The following PHF14 variants were observed in gnomAD, a reference collection of about 807,000 sequenced individuals.
PHF14 encodes PHD finger protein 14.
A neutral mutation model predicts 117.9 loss-of-function variants in PHF14; 55 were observed. The ratio of observed to expected loss-of-function variants is 0.47; its 90% CI spans 0.38 to 0.58. PHF14 has a LOEUF of 0.58. Ranked by LOEUF, PHF14 falls within the 20% of genes least tolerant of loss-of-function variation. The probability of loss-of-function intolerance (pLI) is 0.00; values close to 1 mark genes in which losing one functional copy is unlikely to be tolerated. For missense variants in PHF14, 978 were observed against 1,122.2 expected (o/e 0.87, Z 1.84); for synonymous variants, 409 against 368.6 (o/e 1.11, Z -1.26).
chr7:11,040,122 CT>C (rs1022992882), intron 11 of PHF14, among the ~76,000 whole-genome samples: 1 of 151,290 alleles, frequency 6.6e-6, no homozygotes, highest in African/African-American at 2.4e-5. Context: ...TTGCATGACA[CT>C]TTTTTTTTCA....
At chr7:11,001,608 T>TTTTGGTAGATTTATATCTAAG (rs145893746) in intron 4 of PHF14, among the ~76,000 whole-genome samples, 1 of 151,808 alleles carries the variant, frequency 6.6e-6, no homozygotes, top group African/African-American at 2.4e-5. Context: ...CTTGGCAATA[T>TTTTGGTAGATTTATATCTAAG]TATTTTATTT....
intron 2 of PHF14, among the ~76,000 whole-genome samples, chr7:10,977,399 C>T (rs1476384580): frequency 6.6e-6 from 1 of 152,106 alleles, no homozygotes; most frequent in South Asian, 2.1e-4. Flanking sequence ...TCAATTTCTT[C>T]TTACCTTCAT....
chr7:11,126,605 T>G (rs1214791846), intron 17 of PHF14, among the ~76,000 whole-genome samples: 1 of 152,062 alleles, frequency 6.6e-6, no homozygotes, highest in Non-Finnish European at 1.5e-5. Context: ...TCCTGTCTAC[T>G]CCTTCCTTTC....
chr7:10,990,974 G>C, intron 4 of PHF14, 127 bp downstream of exon 4: 3 of 615,810 alleles, frequency 4.9e-6, no homozygotes, highest in Non-Finnish European at 8.0e-6. Flanking sequence ...TCAAAGTATG[G>C]ATGCTATTTT....
chr7:11,132,212 T>C (rs1451418517), intron 17 of PHF14, among the ~76,000 whole-genome samples: 1 of 151,778 alleles, frequency 6.6e-6, no homozygotes, highest in Non-Finnish European at 1.5e-5. Context: ...TTTTTCATCT[T>C]ATATATCTGC....
chr7:10,983,175 T>A lies in PHF14; in HGVS notation c.900+16T>A, dbSNP rs929488377. 1 of 1,572,522 alleles carries A rather than the reference T, an allele frequency of 6.4e-7. No individual in the cohort carries two copies. Among genetic ancestry groups the A allele is most frequent in the Non-Finnish European group, 8.6e-7 (1 of 1,166,030 alleles). On this transcript the variant is annotated intron_variant, in intron 3 of 17. Coordinates refer to ENST00000634607, the MANE Select transcript of PHF14 (RefSeq NM_001007157.2). ...GAGTAATGAGGTAGATCAACCCAATTTTTATATCTGTCTGTCTGGGGAAAA... is the reference window on the plus strand; with the variant it reads ...GAGTAATGAGGTAGATCAACCCAATATTTATATCTGTCTGTCTGGGGAAAA...
chr7:11,073,817 G>A (rs192753795), intron 16 of PHF14, among the ~76,000 whole-genome samples: 1 of 152,126 alleles, frequency 6.6e-6, no homozygotes, highest in South Asian at 2.1e-4. Context: ...TTTCACTCTC[G>A]CATTCTGTGC....
At chr7:11,039,832 C>T (rs2128323324) in intron 11 of PHF14, among the ~76,000 whole-genome samples, 1 of 152,122 alleles carries the variant, frequency 6.6e-6, no homozygotes, top group South Asian at 2.1e-4. Context: ...GAGGATCAGC[C>T]TTTGTTCCTG....
chr7:11,022,780 T>C (rs1783779880), intron 5 of PHF14, 88 bp from the exon 6 acceptor site: 3 of 609,022 alleles, frequency 4.9e-6, no homozygotes, highest in Non-Finnish European at 8.3e-6. Flanking sequence ...TGGTAGTATT[T>C]TGAGATGGCA....
chr7:11,162,281 G>T (rs930867691), intron 17 of PHF14, among the ~76,000 whole-genome samples: 2 of 151,580 alleles, frequency 1.3e-5, no homozygotes, highest in Non-Finnish European at 2.9e-5. Context: ...GTGGAGACGG[G>T]GTTTCTCCTT....
At chr7:11,074,401 A>G (rs1055268509) in intron 16 of PHF14, among the ~76,000 whole-genome samples, 5 of 151,770 alleles carry the variant, frequency 3.3e-5, no homozygotes, top group Non-Finnish European at 5.9e-5. Flanking sequence ...TAGTAGAGGC[A>G]GGGTTTCGCC....
At chr7:11,132,584 AT>A (rs1302140025) in intron 17 of PHF14, among the ~76,000 whole-genome samples, 7 of 151,778 alleles carry the variant, frequency 4.6e-5, no homozygotes, top group African/African-American at 1.7e-4. Context: ...TGAGGTGGTG[AT>A]TTCATTTCCT....
At chr7:11,003,292 C>T (rs1250802615) in intron 4 of PHF14, among the ~76,000 whole-genome samples, 3 of 152,152 alleles carry the variant, frequency 2.0e-5, no homozygotes, top group Admixed American at 2.0e-4. Flanking sequence ...TCTGAGATCC[C>T]ATACCCTGAC....
intron 17 of PHF14, among the ~76,000 whole-genome samples, chr7:11,122,433 A>C (rs1787803127): frequency 8.0e-6 from 1 of 125,332 alleles, no homozygotes; most frequent in Non-Finnish European, 1.7e-5. Context: ...ATACACGTAT[A>C]TATATATACG....
chr7:11,007,096 G>A (rs1370161743), intron 4 of PHF14, among the ~76,000 whole-genome samples: 1 of 151,916 alleles, frequency 6.6e-6, no homozygotes, highest in Non-Finnish European at 1.5e-5. Context: ...AGAATCGCTT[G>A]AACCCAGGAG....
At chr7:11,115,826 G>A (rs1283380666) in intron 17 of PHF14, among the ~76,000 whole-genome samples, 1 of 151,956 alleles carries the variant, frequency 6.6e-6, no homozygotes, top group Non-Finnish European at 1.5e-5. Flanking sequence ...GAAAATTACA[G>A]AGCAGTTATT....
chr7:10,990,245 T>C (rs1408111972), intron 3 of PHF14, among the ~76,000 whole-genome samples: 7 of 152,198 alleles, frequency 4.6e-5, no homozygotes, highest in Admixed American at 2.6e-4. Flanking sequence ...CTATTTTGTA[T>C]ATGTGCGTCT....
At chr7:11,154,556 A>C (rs983007294) in intron 17 of PHF14, among the ~76,000 whole-genome samples, 1 of 152,186 alleles carries the variant, frequency 6.6e-6, no homozygotes, top group Non-Finnish European at 1.5e-5. Flanking sequence ...AGTCCTACCT[A>C]GACCTATATT....
intron 14 of PHF14, among the ~76,000 whole-genome samples, chr7:11,058,276 C>G (rs1014138779): frequency 1.3e-5 from 2 of 152,132 alleles, no homozygotes; most frequent in Non-Finnish European, 1.5e-5. Flanking sequence ...ATTTCTCCCT[C>G]TTTTAAATTC....
Sources: gnomAD v4.1 joint callset for allele counts (sites outside exome capture counted in the v4.1 genomes callset) on GRCh38, gnomAD v4.1.1 for gene constraint, MANE v1.5 for transcripts, NCBI Gene and HGNC (gene_info 2026-07-23, HGNC 2026-07-21) for gene names.